ARHGAP26: variants seen among roughly 807,000 people sequenced by gnomAD.
The protein encoded by ARHGAP26 is Rho GTPase activating protein 26.
ARHGAP26 carries 38 observed loss-of-function variants against 104.8 expected under a neutral mutation model. The observed-to-expected ratio is 0.36, with a 90% CI of 0.28 to 0.48. The LOEUF (loss-of-function observed/expected upper bound fraction) is 0.48, where lower values mean the gene tolerates loss of function less well. Among genes scored for constraint, ARHGAP26 ranks in the 20% least tolerant of loss-of-function variants. The pLI, the probability that ARHGAP26 is intolerant of heterozygous loss-of-function variation, is 0.99. For synonymous variants in ARHGAP26, 341 were observed against 340.0 expected, an observed-to-expected ratio of 1.00 and a Z score of -0.03; for missense variants, 704 against 947.9, an observed-to-expected ratio of 0.74 and a Z score of 3.38.
chr5:143,155,940 C>T (rs258810), intron 20 of ARHGAP26, among the ~76,000 whole-genome samples: 31,732 of 152,128 alleles, frequency 0.21, 3,967 homozygotes, highest in East Asian at 0.39. Context: ...TAGCTGCCCT[C>T]AAATGCCTTA....
At chr5:142,779,497 A>G (rs922821430) in intron 1 of ARHGAP26, among the ~76,000 whole-genome samples, 1 of 152,060 alleles carries the variant, frequency 6.6e-6, no homozygotes, top group African/African-American at 2.4e-5. Flanking sequence ...TTCCACACCA[A>G]ACTGTTAACT....
chr5:142,841,281 G>A (rs1289666074), intron 1 of ARHGAP26, among the ~76,000 whole-genome samples: 1 of 152,208 alleles, frequency 6.6e-6, no homozygotes, highest in Middle Eastern at 3.2e-3. Flanking sequence ...CTGGGTGATA[G>A]GGAAAGACTA....
intron 10 of ARHGAP26, 53 bp downstream of exon 10, chr5:142,913,346 C>G: frequency 1.3e-6 from 2 of 1,510,848 alleles, no homozygotes; most frequent in Non-Finnish European, 1.8e-6. Flanking sequence ...ATTTCTATAT[C>G]TTACTTTTTC....
chr5:142,973,855 G>A (rs890989112), intron 11 of ARHGAP26, among the ~76,000 whole-genome samples: 2 of 152,128 alleles, frequency 1.3e-5, no homozygotes, highest in African/African-American at 4.8e-5. Context: ...GGAGGTGGGT[G>A]GGAGGGCGCT....
At chr5:142,889,308 C>T (rs1758149703) in intron 5 of ARHGAP26, among the ~76,000 whole-genome samples, 1 of 152,126 alleles carries the variant, frequency 6.6e-6, no homozygotes, top group Admixed American at 6.5e-5. Flanking sequence ...TTCTCATGGA[C>T]TTTATATTCT....
At chr5:142,783,615 AG>A (rs1757956600) in intron 1 of ARHGAP26, among the ~76,000 whole-genome samples, 2 of 152,206 alleles carry the variant, frequency 1.3e-5, no homozygotes, top group African/African-American at 4.8e-5. Flanking sequence ...TTAAACCCAG[AG>A]AGAGCTGATC....
intron 11 of ARHGAP26, among the ~76,000 whole-genome samples, chr5:142,975,522 CAT>C (rs746095646): frequency 6.6e-6 from 1 of 152,092 alleles, no homozygotes; most frequent in Non-Finnish European, 1.5e-5. Context: ...GTTTCTTACA[CAT>C]AGTTAGCTAC....
At chr5:143,021,285 G>A (rs1408662932) in intron 12 of ARHGAP26, among the ~76,000 whole-genome samples, 8 of 152,170 alleles carry the variant, frequency 5.3e-5, no homozygotes. Context: ...ATTTTCTGAT[G>A]TCATGAAATG....
chr5:142,920,695 G>A (rs931018941), intron 10 of ARHGAP26, among the ~76,000 whole-genome samples: 1 of 152,152 alleles, frequency 6.6e-6, no homozygotes, highest in Non-Finnish European at 1.5e-5. Flanking sequence ...CTTAGAGATG[G>A]CAAGGATATT....
intron 20 of ARHGAP26, among the ~76,000 whole-genome samples, chr5:143,159,347 A>T (rs1452908773): frequency 6.6e-6 from 1 of 152,246 alleles, no homozygotes; most frequent in East Asian, 1.9e-4. Context: ...AGGCAAATTA[A>T]TGATGTCCAA....
intron 10 of ARHGAP26, among the ~76,000 whole-genome samples, chr5:142,917,649 G>T (rs1191675902): frequency 2.0e-5 from 3 of 152,160 alleles, no homozygotes; most frequent in African/African-American, 7.2e-5. Flanking sequence ...CACTGAATAG[G>T]TGTTCCATGA....
intron 12 of ARHGAP26, among the ~76,000 whole-genome samples, chr5:143,021,041 G>A (rs1383122515): frequency 6.6e-6 from 1 of 152,212 alleles, no homozygotes; most frequent in African/African-American, 2.4e-5. Flanking sequence ...GTGGGGAGAA[G>A]AGCAGTGATT....
intron 11 of ARHGAP26, among the ~76,000 whole-genome samples, chr5:142,987,612 G>A (rs1287270534): frequency 2.0e-5 from 3 of 152,244 alleles, no homozygotes; most frequent in Admixed American, 6.5e-5. Context: ...TGCCCATTCA[G>A]TATGATATTG....
chr5:142,943,310 T>C (rs967816037), intron 11 of ARHGAP26, among the ~76,000 whole-genome samples: 3 of 152,232 alleles, frequency 2.0e-5, no homozygotes, highest in Admixed American at 2.0e-4. Context: ...TATCACAAAA[T>C]ACTATAAACT....
chr5:143,213,804 A>G (rs532312564), intron 21 of ARHGAP26, among the ~76,000 whole-genome samples, 193 bp from the exon 22 acceptor site: 2 of 152,264 alleles, frequency 1.3e-5, no homozygotes, highest in South Asian at 4.1e-4. Context: ...CTTTTCTCTG[A>G]ATATTTCTCA....
At chr5:142,892,759 A>G (rs1758839634) in intron 5 of ARHGAP26, among the ~76,000 whole-genome samples, 1 of 152,162 alleles carries the variant, frequency 6.6e-6, no homozygotes, top group South Asian at 2.1e-4. Context: ...ATAATGTGTA[A>G]TGATCAAATC....
At chr5:142,770,996 C>G (rs1214162265) in intron 1 of ARHGAP26, 81 bp downstream of exon 1, 2 of 1,485,862 alleles carry the variant, frequency 1.3e-6, no homozygotes, top group Admixed American at 2.0e-5. Flanking sequence ...GTTGCCCGCG[C>G]GTCTGCCGGG....
intron 11 of ARHGAP26, among the ~76,000 whole-genome samples, chr5:142,971,073 A>C (rs1157883068): frequency 6.6e-6 from 1 of 152,160 alleles, no homozygotes; most frequent in African/African-American, 2.4e-5. Context: ...AAATTTGAAG[A>C]CTGAGATACA....
chr5:143,148,563 G>GT (rs947299227), intron 20 of ARHGAP26, among the ~76,000 whole-genome samples: 8 of 152,188 alleles, frequency 5.3e-5, no homozygotes, highest in African/African-American at 1.9e-4. Context: ...TGTTCAGGAA[G>GT]TTTAATTATT....
Sources: gnomAD v4.1 joint callset for allele counts (sites outside exome capture counted in the v4.1 genomes callset) on GRCh38, gnomAD v4.1.1 for gene constraint, MANE v1.5 for transcripts, NCBI Gene and HGNC (gene_info 2026-07-23, HGNC 2026-07-21) for gene names.